Variants in TTBK2 observed in about 807,000 individuals in gnomAD.
TTBK2 encodes the protein tau tubulin kinase 2, also known as tau-tubulin kinase 2.
Under a neutral mutation model 110.8 loss-of-function variants are expected in TTBK2, and 28 were observed. The observed-to-expected ratio is 0.25, with a 90% CI of 0.19 to 0.35. The LOEUF is 0.35. TTBK2 is among the 10% of genes least tolerant of loss of function. The pLI is 1.00. For missense variants in TTBK2, 1,369 were observed against 1,500.3 expected, an observed-to-expected ratio of 0.91 and a Z score of 1.45; for synonymous variants, 532 against 527.3, an observed-to-expected ratio of 1.01 and a Z score of -0.12.
rs370942353 is a variant in TTBK2 at position 42,800,639 on chromosome 15, T to C, written c.823-5838A>G. On this transcript the variant is annotated intron_variant, in intron 9 of 14. Coordinates refer to ENST00000267890, the MANE Select transcript of TTBK2 (RefSeq NM_173500.4). The stretch of plus-strand genomic sequence containing the variant: ...ACTATGGCAATGTTGGCTTGGCTGA[T>C]TGAAAGGCAGATTATTTAGAGCAAA... Among the ~76,000 whole-genome samples, 238 of 152,250 alleles carry C rather than the reference T, an allele frequency of 1.6e-3. 1 individual carries two copies. Among genetic ancestry groups the C allele is most frequent in the African/African-American group, 5.2e-3 (216 of 41,546 alleles).
chr15:42,826,474 T>G (rs145475957), intron 6 of TTBK2, among the ~76,000 whole-genome samples: 2 of 152,324 alleles, frequency 1.3e-5, no homozygotes, highest in African/African-American at 4.8e-5. Context: ...TCTGTACATG[T>G]TTTATGGCTG....
At chr15:42,872,305 G>A (rs563686599) in intron 3 of TTBK2, among the ~76,000 whole-genome samples, 47 of 152,192 alleles carry the variant, frequency 3.1e-4, no homozygotes, top group African/African-American at 1.0e-3. Context: ...GTTTAAAAAA[G>A]AAAGGCAAAT....
chr15:42,872,828 T>G, intron 2 of TTBK2, 70 bp from the exon 3 acceptor site: 11 of 1,537,758 alleles, frequency 7.2e-6, no homozygotes, highest in Non-Finnish European at 9.7e-6. Flanking sequence ...AATTGATCTC[T>G]TATATTTAGA....
At chr15:42,861,748 AGAATT>A (rs1400061413) in intron 3 of TTBK2, among the ~76,000 whole-genome samples, 1 of 152,206 alleles carries the variant, frequency 6.6e-6, no homozygotes, top group African/African-American at 2.4e-5. Flanking sequence ...AAATCAGAGA[AGAATT>A]GAACAAAATT....
At chr15:42,788,141 C>T (rs1029743071) in intron 10 of TTBK2, among the ~76,000 whole-genome samples, 1 of 152,080 alleles carries the variant, frequency 6.6e-6, no homozygotes, top group African/African-American at 2.4e-5. Context: ...TCACTGATTG[C>T]GATGTCATTA....
chr15:42,863,795 AT>A (rs1251979461), intron 3 of TTBK2, among the ~76,000 whole-genome samples: 1 of 152,208 alleles, frequency 6.6e-6, no homozygotes, highest in Non-Finnish European at 1.5e-5. Context: ...TAACCAACTG[AT>A]CTTTGACAAA....
intron 5 of TTBK2, 101 bp from the exon 6 acceptor site, chr15:42,828,133 T>G: frequency 2.3e-6 from 2 of 866,538 alleles, no homozygotes; most frequent in Non-Finnish European, 3.7e-6. Context: ...AAGCTCTATA[T>G]AACACACATG....
At chr15:42,800,437 C>A in intron 9 of TTBK2, 1 of 276,474 alleles carries the variant, frequency 3.6e-6, no homozygotes, top group South Asian at 3.6e-5. Context: ...ATCATATTTA[C>A]CTCCATATGA....
At chr15:42,842,381 C>T (rs1486797868) in intron 3 of TTBK2, among the ~76,000 whole-genome samples, 2 of 152,026 alleles carry the variant, frequency 1.3e-5, no homozygotes, top group East Asian at 1.9e-4. Context: ...TAACATAAAC[C>T]GGAAGTCATT....
intron 13 of TTBK2, among the ~76,000 whole-genome samples, chr15:42,771,108 G>A (rs1027266805): frequency 7.2e-5 from 11 of 151,998 alleles, no homozygotes; most frequent in African/African-American, 2.2e-4. Flanking sequence ...CGGAGTAGCC[G>A]GGATTATAGG....
intron 10 of TTBK2, among the ~76,000 whole-genome samples, chr15:42,786,978 C>T (rs1890439224): frequency 6.6e-6 from 1 of 152,118 alleles, no homozygotes; most frequent in Admixed American, 6.5e-5. Context: ...TATTATATAA[C>T]TGAAGCAGAT....
chr15:42,792,943 T>G (rs1890762652), intron 10 of TTBK2, among the ~76,000 whole-genome samples: 3 of 152,208 alleles, frequency 2.0e-5, no homozygotes, highest in Admixed American at 1.3e-4. Context: ...TGAAGTGCTA[T>G]CACCTGGATT....
At position 42,744,924 on chromosome 15, in the gene TTBK2, A is replaced by G. The variant is rs1484952159; in HGVS notation, c.*871T>C. 6.5e-6 allele frequency: 1 copy of G among 154,304 alleles called. No individual in the cohort carries two copies. Among genetic ancestry groups the G allele is most frequent in the Non-Finnish European group, 1.5e-5 (1 of 68,210 alleles). The allele number at this position is 154,304 out of a possible 1,614,324, so 9.6% of individuals were successfully genotyped here. ...CAGTTTTCCTTCTACTCAAGTTTCT[A>G]AAGGAGGACACTTAACAGAGATGAA... On this transcript the variant is annotated 3_prime_UTR_variant, in exon 15 of 15. Coordinates refer to ENST00000267890, the MANE Select transcript of TTBK2 (RefSeq NM_173500.4).
At chr15:42,799,887 T>G (rs928085293) in intron 9 of TTBK2, among the ~76,000 whole-genome samples, 2 of 152,018 alleles carry the variant, frequency 1.3e-5, no homozygotes, top group Non-Finnish European at 2.9e-5. Context: ...TACAAAGTAA[T>G]AAAAGTCAAT....
chr15:42,825,689 T>C (rs1442881358), intron 6 of TTBK2, among the ~76,000 whole-genome samples: 1 of 152,130 alleles, frequency 6.6e-6, no homozygotes, highest in Non-Finnish European at 1.5e-5. Flanking sequence ...CACTCTGGCC[T>C]GGGCGACAGA....
intron 1 of TTBK2, among the ~76,000 whole-genome samples, chr15:42,916,730 C>T (rs938876748): frequency 1.3e-5 from 2 of 151,996 alleles, no homozygotes; most frequent in Non-Finnish European, 2.9e-5. Context: ...TAATATATAA[C>T]GTGGAAAATT....
intron 13 of TTBK2, among the ~76,000 whole-genome samples, chr15:42,754,598 T>A (rs2061917200): frequency 6.8e-6 from 1 of 147,070 alleles, no homozygotes. Flanking sequence ...GGTTTCACCA[T>A]GTTGGTCAGG....
intron 13 of TTBK2, among the ~76,000 whole-genome samples, chr15:42,753,613 AG>A (rs1283566458): frequency 1.3e-5 from 2 of 152,178 alleles, no homozygotes; most frequent in African/African-American, 4.8e-5. Flanking sequence ...TAGAGGAAAG[AG>A]GGGGCTGGGT....
intron 1 of TTBK2, among the ~76,000 whole-genome samples, chr15:42,918,589 C>G (rs1331077542): frequency 1.3e-5 from 2 of 152,154 alleles, no homozygotes; most frequent in Non-Finnish European, 2.9e-5. Context: ...TATTCATTTA[C>G]TTTGAAAAAC....
Sources: gnomAD v4.1 joint callset for allele counts (sites outside exome capture counted in the v4.1 genomes callset) on GRCh38, gnomAD v4.1.1 for gene constraint, MANE v1.5 for transcripts, NCBI Gene and HGNC (gene_info 2026-07-23, HGNC 2026-07-21) for gene names.